The following LBR variants were observed in gnomAD, a reference collection of about 807,000 sequenced individuals.
LBR encodes the protein delta(14)-sterol reductase LBR.
A neutral mutation model predicts 74.3 loss-of-function variants in LBR; 28 were observed. The observed-to-expected ratio is 0.38, with a 90% CI of 0.28 to 0.52. LBR has a LOEUF of 0.52. Ranked by LOEUF, LBR falls within the 20% of genes least tolerant of loss-of-function variation. The pLI, the probability that LBR is intolerant of heterozygous loss-of-function variation, is 0.89. For missense variants in LBR, 717 were observed against 760.3 expected (o/e 0.94, Z 0.67); for synonymous variants, 228 against 269.3 (o/e 0.85, Z 1.50).
chr1:225,416,646 C>T (rs914505026), intron 6 of LBR, among the ~76,000 whole-genome samples: 1 of 152,154 alleles, frequency 6.6e-6, no homozygotes, highest in Non-Finnish European at 1.5e-5. Flanking sequence ...TATATAGATC[C>T]AAATATACAG....
chr1:225,427,525 G>A (rs56816255), intron 1 of LBR: 1,718 of 152,400 alleles, frequency 0.011, 30 homozygotes, highest in African/African-American at 0.039. Flanking sequence ...GCCTCCTACT[G>A]CAGGACCGCG....
At position 225,412,515 on chromosome 1, in the gene LBR, A is replaced by G. The variant is rs753528522; in HGVS notation, c.1023T>C (p.Ser341=). ...LAATVFCVVL[S]VYLYMRSLKA... ...TCAAAGAGCGCATGTAGAGATACACACTCAAGACCACACAAAAAACAGTGG... is the reference window on the plus strand; with the variant it reads ...TCAAAGAGCGCATGTAGAGATACACGCTCAAGACCACACAAAAAACAGTGG... Residue 341 remains serine, a synonymous_variant, in exon 8 of 14, where the codon AGT becomes AGC. Coordinates refer to ENST00000272163, the MANE Select transcript of LBR (RefSeq NM_002296.4). 3.7e-6 allele frequency: 6 copies of G among 1,614,192 alleles called. No individual in the cohort carries two copies. The highest frequency in any genetic ancestry group is 1.1e-5 in the South Asian group (1 of 91,088).
Position 225,422,159 on chromosome 1 carries a change from C to G in LBR, c.284G>C (p.Arg95Pro). The change falls in exon 3 of 14, where the codon CGC becomes CCC. Residue 95 changes from arginine to proline, a missense_variant. Arg to Pro is a moderately radical substitution (Grantham distance 103). Coordinates refer to ENST00000272163, the MANE Select transcript of LBR (RefSeq NM_002296.4). ...CTGGTGGGAAGCAGAAGCAGATCGG[C>G]GGGCACTTTTAGGTGGTCGACCAGG... ...RSPGRPPKSA[R>P]RSASASHQAD... is the part of the protein sequence containing the mutation. 1 of 1,614,036 alleles carries G rather than the reference C, an allele frequency of 6.2e-7. No individual in the cohort carries two copies. The highest frequency in any genetic ancestry group is 8.5e-7 in the Non-Finnish European group (1 of 1,180,022).
chr1:225,410,543 A>G, intron 9 of LBR, 127 bp from the exon 10 acceptor site: 1 of 929,960 alleles, frequency 1.1e-6, no homozygotes, highest in South Asian at 1.4e-5. Flanking sequence ...ACCCGCCACC[A>G]GGAATAAGAC....
In LBR at chr1:225,413,364, G is replaced by A. The variant is rs547801303; in HGVS notation, c.893-719C>T. 9.8e-5 allele frequency among the ~76,000 whole-genome samples: 15 copies of A among 152,296 alleles called. No individual in the cohort carries two copies. In the South Asian group the frequency reaches 3.1e-3, roughly 32 times the overall value. ...GGCTAGTCCTGCAGCCACACAGAAA[G>A]GCTCACTGGAAGATCCAATTTTTTT... is the stretch of plus-strand genomic sequence containing the variant. On this transcript the variant is annotated intron_variant, in intron 7 of 13. Coordinates refer to ENST00000272163, the MANE Select transcript of LBR (RefSeq NM_002296.4).
intron 10 of LBR, among the ~76,000 whole-genome samples, chr1:225,409,290 C>T (rs1458839560): frequency 6.6e-6 from 1 of 152,146 alleles, no homozygotes; most frequent in Non-Finnish European, 1.5e-5. Context: ...TTGAGGTTTA[C>T]CTCAAAGTGG....
intron 4 of LBR, 91 bp downstream of exon 4, chr1:225,419,624 C>G: frequency 9.3e-7 from 1 of 1,069,536 alleles, no homozygotes; most frequent in Non-Finnish European, 1.4e-6. Context: ...TAAAATATTA[C>G]AATTTTCAAT....
At chr1:225,424,328 C>T (rs963264707) in intron 1 of LBR, among the ~76,000 whole-genome samples, 2 of 152,186 alleles carry the variant, frequency 1.3e-5, no homozygotes, top group Non-Finnish European at 1.5e-5. Flanking sequence ...TAAGTTCACA[C>T]TATGTAAAAT....
chr1:225,424,144 G>A lies in LBR; in HGVS notation c.-14-55C>T, dbSNP rs370150628. On this transcript the variant is annotated intron_variant, in intron 1 of 13. Coordinates refer to ENST00000272163, the MANE Select transcript of LBR (RefSeq NM_002296.4). ...TCAATACATACACATTTATGTATTCGTCTTTTTCCACAGGCTGATCACTAA... is the reference window on the plus strand; with the variant it reads ...TCAATACATACACATTTATGTATTCATCTTTTTCCACAGGCTGATCACTAA... 1.3e-4 allele frequency: 171 copies of A among 1,289,434 alleles called. No individual in the cohort carries two copies. In the African/African-American group the frequency reaches 1.6e-3, roughly 12 times the overall value. The allele number at this position is 1,289,434 out of a possible 1,614,324, so 79.9% of individuals were successfully genotyped here. A position where few individuals can be genotyped will look rare whatever the true frequency, so the allele number is the denominator to read the frequency against.
intron 10 of LBR, 100 bp from the exon 11 acceptor site, chr1:225,406,932 G>A (rs756655116): frequency 7.3e-5 from 83 of 1,144,516 alleles, no homozygotes; most frequent in Middle Eastern, 1.9e-4. Context: ...TGCTATGGGC[G>A]GGTCCACAAT....
At chr1:225,414,780 A>T (rs992334016) in intron 7 of LBR, among the ~76,000 whole-genome samples, 1 of 152,232 alleles carries the variant, frequency 6.6e-6, no homozygotes, top group African/African-American at 2.4e-5. Context: ...CAGAAAAACA[A>T]AACAGAGCAG....
chr1:225,406,936 C>T, intron 10 of LBR, 104 bp from the exon 11 acceptor site: 4 of 1,059,746 alleles, frequency 3.8e-6, no homozygotes, highest in Non-Finnish European at 5.7e-6. Context: ...ATGGGCGGGT[C>T]CACAATCAAC....
chr1:225,420,169 G>C (rs1044713379), intron 3 of LBR, among the ~76,000 whole-genome samples: 1 of 152,030 alleles, frequency 6.6e-6, no homozygotes, highest in African/African-American at 2.4e-5. Flanking sequence ...AATTAGCCAC[G>C]CACGGTAGCG....
rs199748938 is a variant in LBR, at chr1:225,412,587, T to C, written c.951A>G (p.Val317=). 103 of 1,612,612 alleles carry C rather than the reference T, an allele frequency of 6.4e-5. No individual in the cohort carries two copies. Among genetic ancestry groups the C allele is most frequent in the Non-Finnish European group, 8.1e-5 (96 of 1,179,854 alleles). The change falls in exon 8 of 14, where the codon GTA becomes GTG. Residue 317 remains valine, a synonymous_variant. Transcript: ENST00000272163. ...AATGACTGTACACGTAATGAAACTCTACGCCCTGGAAGAGAGATGTTCCGA... is the reference window on the plus strand; with the variant it reads ...AATGACTGTACACGTAATGAAACTCCACGCCCTGGAAGAGAGATGTTCCGA... ...AVIGTSLFQG[V]EFHYVYSHFL... is the part of the protein sequence containing the mutation.
rs762500645 is a variant in LBR at position 225,411,357 on chromosome 1, G to A, written c.1168C>T (p.Arg390Cys). 2.5e-5 allele frequency: 40 copies of A among 1,612,902 alleles called. No homozygotes were observed. The highest frequency in any genetic ancestry group is 8.0e-5 in the African/African-American group (6 of 74,898). ...CATACCCATCCAATCAATCCGGGGC[G>A]CAATTCACAAAAGTATTTGAGATCA... ...TFDLKYFCEL[R>C]PGLIGWVVIN... The change falls in exon 9 of 14, where the codon CGC (arginine) becomes TGC (cysteine). Residue 390 changes from arginine (R) to cysteine (C), a missense_variant. Physicochemically the swap from Arg to Cys is radical, Grantham distance 180. Transcript: ENST00000272163.
intron 9 of LBR, 99 bp downstream of exon 9, chr1:225,411,238 T>C: frequency 2.3e-6 from 2 of 865,088 alleles, no homozygotes; most frequent in Non-Finnish European, 4.0e-6. Flanking sequence ...TCCCTAAAAA[T>C]ATACCACCCA....
chr1:225,404,001 C>G (rs1296728018), intron 13 of LBR, among the ~76,000 whole-genome samples: 1 of 151,636 alleles, frequency 6.6e-6, no homozygotes, highest in East Asian at 1.9e-4. Flanking sequence ...CACAGCTCTC[C>G]CTGCTCCCCT....
intron 1 of LBR, among the ~76,000 whole-genome samples, chr1:225,425,528 G>GAGGATGA (rs1257961218): frequency 3.2e-4 from 48 of 152,162 alleles, no homozygotes; most frequent in Non-Finnish European, 6.3e-4. Flanking sequence ...AGGCCTGGCT[G>GAGGATGA]AGTCACCCGA....
chr1:225,406,720 A>G lies in LBR; in HGVS notation c.1427T>C (p.Val476Ala). Residue 476 changes from valine to alanine, a missense_variant, in exon 11 of 14, where the codon GTC becomes GCC. Transcript: ENST00000272163. The stretch of plus-strand genomic sequence containing the variant: ...CCAAGACACTTCATTTGGATGACTG[A>G]CTAAATAAAAGGCTTGGAAGCTGTA... The part of the protein sequence containing the change: ...FIYSFQAFYL[V>A]SHPNEVSWPM... The G allele has an allele frequency of 6.2e-7, 1 of 1,613,940 alleles. No individual in the cohort carries two copies. Among genetic ancestry groups the G allele is most frequent in the Non-Finnish European group, 8.5e-7 (1 of 1,179,948 alleles).
Sources: gnomAD v4.1 joint callset for allele counts (sites outside exome capture counted in the v4.1 genomes callset) on GRCh38, gnomAD v4.1.1 for gene constraint, MANE v1.5 for transcripts, NCBI Gene and HGNC (gene_info 2026-07-23, HGNC 2026-07-21) for gene names.